Variants in MMS22L observed in about 807,000 individuals in gnomAD.
MMS22L encodes protein MMS22-like.
A neutral mutation model predicts 159.1 loss-of-function variants in MMS22L; 74 were observed. That is an observed-to-expected ratio of 0.47 (90% CI 0.39 to 0.56). The LOEUF (loss-of-function observed/expected upper bound fraction) is 0.56. Ranked by LOEUF, MMS22L falls within the 20% of genes least tolerant of loss-of-function variation. The pLI is 0.00. For synonymous variants in MMS22L, 517 were observed against 506.9 expected (o/e 1.02, Z -0.27); for missense variants, 1,351 against 1,422.1 (o/e 0.95, Z 0.80).
Position 97,168,258 on chromosome 6 carries a change from T to A in MMS22L, c.2840-18A>T, listed in dbSNP as rs1803180128. 7 of 1,610,412 alleles carry A rather than the reference T, an allele frequency of 4.3e-6. No individual in the cohort carries two copies. ...AAGAATTCCTAACAAAGAAGAGAAGTAACAGCATGTTGTTGTTATCCTCTG... is the reference window on the plus strand; with the variant it reads ...AAGAATTCCTAACAAAGAAGAGAAGAAACAGCATGTTGTTGTTATCCTCTG... On this transcript the variant is annotated intron_variant, in intron 19 of 24. Coordinates refer to ENST00000683635, the MANE Select transcript of MMS22L (RefSeq NM_001350599.2).
At chr6:97,278,423 A>C (rs1275430748) in intron 4 of MMS22L, among the ~76,000 whole-genome samples, 1 of 151,894 alleles carries the variant, frequency 6.6e-6, no homozygotes, top group East Asian at 1.9e-4. Context: ...AAAGCAAAAA[A>C]AAACCAACTA....
intron 13 of MMS22L, among the ~76,000 whole-genome samples, chr6:97,229,965 A>G (rs754477094): frequency 5.3e-5 from 8 of 152,242 alleles, no homozygotes; most frequent in Non-Finnish European, 8.8e-5. Flanking sequence ...ACTATTTAAT[A>G]CAATAGTTGA....
chr6:97,246,988 A>G (rs569596976), intron 10 of MMS22L, among the ~76,000 whole-genome samples: 663 of 20,776 alleles, frequency 0.032, 3 homozygotes, highest in African/African-American at 0.062. Context: ...ATCCAACAGG[A>G]AAAAAAAAAA....
chr6:97,173,284 T>C (rs1803752184), intron 18 of MMS22L, 62 bp from the exon 19 acceptor site: 2 of 1,523,660 alleles, frequency 1.3e-6, no homozygotes, highest in African/African-American at 1.4e-5. Flanking sequence ...ATTTGGAACA[T>C]AAAGATAATT....
At chr6:97,172,722 TAAC>T (rs987908006) in intron 19 of MMS22L, among the ~76,000 whole-genome samples, 2 of 152,200 alleles carry the variant, frequency 1.3e-5, no homozygotes, top group Admixed American at 6.5e-5. Context: ...TTTTTAATTC[TAAC>T]AATAGATAAG....
At chr6:97,172,961 G>T (rs1803701611) in intron 19 of MMS22L, 102 bp downstream of exon 19, 2 of 1,079,192 alleles carry the variant, frequency 1.9e-6, no homozygotes, top group Non-Finnish European at 1.3e-6. Flanking sequence ...TCTTATGATT[G>T]TATGGAGGGT....
At chr6:97,172,681 A>C (rs1248460885) in intron 19 of MMS22L, among the ~76,000 whole-genome samples, 1 of 152,060 alleles carries the variant, frequency 6.6e-6, no homozygotes, top group Non-Finnish European at 1.5e-5. Context: ...AGCAGAGCAT[A>C]GAAATAGATG....
At chr6:97,255,253 T>C (rs1813676925) in intron 9 of MMS22L, among the ~76,000 whole-genome samples, 1 of 152,148 alleles carries the variant, frequency 6.6e-6, no homozygotes, top group Non-Finnish European at 1.5e-5. Flanking sequence ...TAGTGAGTTT[T>C]AGGTTTTTCT....
chr6:97,268,002 T>A lies in MMS22L; in HGVS notation c.698A>T (p.Lys233Ile), dbSNP rs759336534. The A allele has an allele frequency of 6.5e-7, 1 of 1,531,260 alleles. No individual in the cohort carries two copies. Among genetic ancestry groups the A allele is most frequent in the South Asian group, 1.3e-5 (1 of 77,152 alleles). 94.9% of individuals were successfully genotyped at this position (1,531,260 alleles called of 1,614,324 possible). A position where few individuals can be genotyped will look rare whatever the true frequency, so the allele number is the denominator to read the frequency against. The change falls in exon 8 of 25, where the codon AAA (lysine) becomes ATA (isoleucine). Residue 233 changes from lysine (K) to isoleucine (I), a missense_variant and splice_region_variant. By Grantham distance (102) the Lys-to-Ile change is moderately radical. Transcript: ENST00000683635. ...AAACTGATGACCATATACAACTTGT[T>A]CTGAAAATGTAATAAAAATAGTTTT... ...EILYMLGEKLKQVVYGHQFMN... is the reference protein window; with the variant it reads ...EILYMLGEKLIQVVYGHQFMN...
intron 16 of MMS22L, among the ~76,000 whole-genome samples, chr6:97,181,643 G>A (rs1282863669): frequency 6.6e-6 from 1 of 152,008 alleles, no homozygotes; most frequent in Non-Finnish European, 1.5e-5. Context: ...ACTTCAGTAT[G>A]ATGATAAGGC....
At chr6:97,155,321 TTGTTATTATTAC>T (rs1801717064) in intron 22 of MMS22L, among the ~76,000 whole-genome samples, 3 of 33,160 alleles carry the variant, frequency 9.0e-5, no homozygotes, top group African/African-American at 7.9e-4. Context: ...AATTTTTAAA[TTGTTATTATTAC>T]TATAAGTTCT....
At chr6:97,224,543 T>G (rs939289546) in intron 14 of MMS22L, among the ~76,000 whole-genome samples, 4 of 151,482 alleles carry the variant, frequency 2.6e-5, no homozygotes, top group Non-Finnish European at 5.9e-5. Context: ...TCAAATCATT[T>G]TTTCCAACTG....
chr6:97,152,192 A>G (rs1801386033), intron 22 of MMS22L, among the ~76,000 whole-genome samples: 2 of 152,214 alleles, frequency 1.3e-5, no homozygotes, highest in Admixed American at 6.5e-5. Context: ...CCGACAAAAG[A>G]AAGCCTTTAC....
At chr6:97,270,516 C>T in intron 6 of MMS22L, 1 of 277,518 alleles carries the variant, frequency 3.6e-6, no homozygotes, top group Non-Finnish European at 7.1e-6. Context: ...CTCAATTCTA[C>T]CTGAGTCAAA....
At chr6:97,216,810 G>A (rs973109443) in intron 14 of MMS22L, among the ~76,000 whole-genome samples, 5 of 152,074 alleles carry the variant, frequency 3.3e-5, no homozygotes, top group Non-Finnish European at 5.9e-5. Flanking sequence ...AATAAGATTG[G>A]GAAAAGTAGC....
At chr6:97,179,031 T>C (rs1397716212) in intron 17 of MMS22L, among the ~76,000 whole-genome samples, 1 of 152,126 alleles carries the variant, frequency 6.6e-6, no homozygotes, top group Non-Finnish European at 1.5e-5. Flanking sequence ...TATTCATAAT[T>C]GGGTATTTTT....
At chr6:97,228,393 C>A (rs1810481240) in intron 14 of MMS22L, among the ~76,000 whole-genome samples, 1 of 152,184 alleles carries the variant, frequency 6.6e-6, no homozygotes, top group Admixed American at 6.5e-5. Flanking sequence ...CCTCACTAAT[C>A]TGAAAATTCA....
chr6:97,182,908 T>C (rs1052632592), intron 15 of MMS22L, among the ~76,000 whole-genome samples: 2 of 152,146 alleles, frequency 1.3e-5, no homozygotes, highest in African/African-American at 4.8e-5. Flanking sequence ...TCATTCTTTG[T>C]AGACTGTAGC....
intron 9 of MMS22L, chr6:97,259,195 T>C (rs973114155): frequency 9.2e-5 from 14 of 152,232 alleles, no homozygotes; most frequent in Non-Finnish European, 1.8e-4. Flanking sequence ...ATTTCTATCA[T>C]TTAACAATAC....
Sources: allele counts gnomAD v4.1 joint callset (sites outside exome capture counted in the v4.1 genomes callset), GRCh38; gene constraint gnomAD v4.1.1; transcripts MANE v1.5; gene names NCBI Gene and HGNC (gene_info 2026-07-23, HGNC 2026-07-21).